Variants in C12orf42 observed in about 807,000 individuals in gnomAD.
The protein encoded by C12orf42 is chromosome 12 open reading frame 42.
A neutral mutation model predicts 21.6 loss-of-function variants in C12orf42; 25 were observed. The observed-to-expected ratio is 1.16, with a 90% CI of 0.84 to 1.62. The LOEUF is 1.62. C12orf42 is among the 40% of genes most tolerant of loss of function. The pLI is 0.00. For synonymous variants in C12orf42, 174 were observed against 175.0 expected (o/e 0.99, Z 0.05); for missense variants, 483 against 459.3 (o/e 1.05, Z -0.47).
chr12:103,459,449 G>A (rs1445288339), intron 2 of C12orf42, among the ~76,000 whole-genome samples: 2 of 152,008 alleles, frequency 1.3e-5, no homozygotes, highest in Non-Finnish European at 2.9e-5. Flanking sequence ...GTTGTTTTAA[G>A]TGTGTGGCAC....
intron 2 of C12orf42, among the ~76,000 whole-genome samples, chr12:103,413,476 C>CTATTATTAT (rs4015528): frequency 3.5e-4 from 52 of 150,112 alleles, no homozygotes; most frequent in Middle Eastern, 3.4e-3. Context: ...GGTATTTACT[C>CTATTATTAT]TATTATTATT....
At position 103,400,965 on chromosome 12, in the gene C12orf42, T is replaced by C. The variant is rs1282105419; in HGVS notation, c.147+642A>G. On this transcript the variant is annotated intron_variant, in intron 3 of 5. Coordinates refer to ENST00000548883, the MANE Select transcript of C12orf42 (RefSeq NM_198521.5). ...GTAAATTTCAGTGTTGGCTGAAAGG[T>C]TCTTTTTATCCCAATCCTGCTTTTG... Among the ~76,000 whole-genome samples, 4 of 152,076 alleles carry C rather than the reference T, an allele frequency of 2.6e-5. No homozygotes were observed. In the East Asian group the frequency reaches 5.8e-4, roughly 22 times the overall value.
chr12:103,551,436 G>A, the C12orf42 span, among the ~76,000 whole-genome samples: 1 of 152,158 alleles, frequency 6.6e-6, no homozygotes, highest in Non-Finnish European at 1.5e-5. Context: ...AGAACTGCTT[G>A]AGGCTAGGAG....
chr12:103,492,081 T>C (rs892652607), intron 1 of C12orf42, among the ~76,000 whole-genome samples: 5 of 152,136 alleles, frequency 3.3e-5, no homozygotes, highest in Admixed American at 3.3e-4. Flanking sequence ...TTCAGCCTCC[T>C]GAGTAGCCGG....
intron 2 of C12orf42, among the ~76,000 whole-genome samples, chr12:103,474,454 A>ATGTGTATGTGTGTG (rs71097981): frequency 2.7e-5 from 4 of 149,282 alleles, no homozygotes; most frequent in East Asian, 2.0e-4. Context: ...GTATGTATGT[A>ATGTGTATGTGTGTG]TGTGTGTGTG....
chr12:103,351,332 G>GCT (rs945942363), intron 4 of C12orf42, among the ~76,000 whole-genome samples: 7 of 151,814 alleles, frequency 4.6e-5, no homozygotes, highest in Non-Finnish European at 8.8e-5. Context: ...CCTCACTTCC[G>GCT]TTTTTTGTTT....
intron 1 of C12orf42, among the ~76,000 whole-genome samples, chr12:103,490,028 G>A (rs1417522142): frequency 6.6e-6 from 1 of 152,176 alleles, no homozygotes; most frequent in Admixed American, 6.5e-5. Flanking sequence ...CCCGTCTTCT[G>A]TGTCGATCAC....
chr12:103,126,736 C>T, the C12orf42 span, among the ~76,000 whole-genome samples: 3 of 150,226 alleles, frequency 2.0e-5, no homozygotes, highest in Non-Finnish European at 4.4e-5. Context: ...TATAACAGTT[C>T]GTTTTTTCCG....
chr12:103,327,675 T>C (rs2040835920), intron 4 of C12orf42, among the ~76,000 whole-genome samples: 2 of 152,344 alleles, frequency 1.3e-5, no homozygotes, highest in South Asian at 2.1e-4. Flanking sequence ...ATATTTACCA[T>C]ACATACAGGT....
chr12:103,323,808 C>A (rs900701041), intron 4 of C12orf42, among the ~76,000 whole-genome samples: 7 of 152,092 alleles, frequency 4.6e-5, no homozygotes, highest in Non-Finnish European at 5.9e-5. Flanking sequence ...CTGAGTTACA[C>A]CCCAGCCCAA....
chr12:103,367,946 A>C, intron 4 of C12orf42: 1 of 700,748 alleles, frequency 1.4e-6, no homozygotes, highest in Non-Finnish European at 2.1e-6. Context: ...ATTAGCATAT[A>C]AATATAAGTG....
At chr12:103,118,018 G>C in the C12orf42 span, among the ~76,000 whole-genome samples, 1 of 152,154 alleles carries the variant, frequency 6.6e-6, no homozygotes, top group South Asian at 2.1e-4. Flanking sequence ...TGAAGCATTA[G>C]ATACTTAAGT....
chr12:103,193,389 T>G, the C12orf42 span, among the ~76,000 whole-genome samples: 4 of 150,156 alleles, frequency 2.7e-5, no homozygotes, highest in Non-Finnish European at 5.9e-5. Context: ...AAATAATAAA[T>G]GTCAAGGCAG....
At chr12:103,079,481 G>T in the C12orf42 span, among the ~76,000 whole-genome samples, 1 of 152,166 alleles carries the variant, frequency 6.6e-6, no homozygotes, top group Non-Finnish European at 1.5e-5. Flanking sequence ...TAATTAGAAG[G>T]TTTGTGTATG....
At chr12:103,436,180 A>C (rs1486195859) in intron 2 of C12orf42, among the ~76,000 whole-genome samples, 14 of 150,172 alleles carry the variant, frequency 9.3e-5, no homozygotes, top group South Asian at 8.5e-4. Context: ...GAAATAAAAT[A>C]CTTTACAGAC....
chr12:103,520,210 T>C, the C12orf42 span, among the ~76,000 whole-genome samples: 2 of 152,082 alleles, frequency 1.3e-5, no homozygotes, highest in East Asian at 3.9e-4. Context: ...CCTGGGCACA[T>C]GTAGTCCCAG....
At chr12:103,168,361 T>C in the C12orf42 span, 1 of 268,940 alleles carries the variant, frequency 3.7e-6, no homozygotes, top group Non-Finnish European at 7.4e-6. Flanking sequence ...TGATGATATC[T>C]TAGATATTAC....
At chr12:103,504,970 C>T in the C12orf42 span, 1 of 168,928 alleles carries the variant, frequency 5.9e-6, no homozygotes, top group Admixed American at 6.2e-5. Flanking sequence ...GCTCTCAAAC[C>T]CCTTCCCAGA....
At chr12:103,166,315 A>C in the C12orf42 span, among the ~76,000 whole-genome samples, 4 of 152,166 alleles carry the variant, frequency 2.6e-5, no homozygotes, top group Admixed American at 6.5e-5. Context: ...AATTTAGTGG[A>C]GCTCCTATTA....
Sources: gnomAD v4.1 joint callset for allele counts (sites outside exome capture counted in the v4.1 genomes callset) on GRCh38, gnomAD v4.1.1 for gene constraint, MANE v1.5 for transcripts, NCBI Gene and HGNC (gene_info 2026-07-23, HGNC 2026-07-21) for gene names.